The following ULK4 variants were observed in gnomAD, a reference collection of about 807,000 sequenced individuals.
The protein encoded by ULK4 is inactive serine/threonine-protein kinase ULK4.
In ULK4, 133 loss-of-function variants were observed where a neutral mutation model predicts 160.6. That is an observed-to-expected ratio of 0.83 (90% CI 0.72 to 0.96). ULK4 has a LOEUF of 0.96. ULK4 is among the 40% of genes least tolerant of loss of function. ULK4 has a pLI of 0.00. For missense variants in ULK4, 1,580 were observed against 1,499.5 expected (o/e 1.05, Z -0.89); for synonymous variants, 534 against 539.8 (o/e 0.99, Z 0.15).
At chr3:41,916,179 C>T (rs1559648260) in intron 7 of ULK4, 127 bp from the exon 8 acceptor site, 1 of 596,438 alleles carries the variant, frequency 1.7e-6, no homozygotes, top group Admixed American at 3.8e-5. Context: ...TAAGAGAACA[C>T]TAAATCCATT....
At chr3:41,521,703 A>G (rs1242840076) in intron 32 of ULK4, among the ~76,000 whole-genome samples, 1 of 152,178 alleles carries the variant, frequency 6.6e-6, no homozygotes, top group East Asian at 1.9e-4. Context: ...GTTTTTTAGT[A>G]TTTACTTTTA....
At chr3:41,376,292 T>G (rs2081492039) in intron 35 of ULK4, among the ~76,000 whole-genome samples, 1 of 150,308 alleles carries the variant, frequency 6.7e-6, no homozygotes, top group Admixed American at 6.6e-5. Flanking sequence ...CAAAGGATCA[T>G]AAATCATTCC....
chr3:41,303,779 T>C (rs2079844566), intron 35 of ULK4, among the ~76,000 whole-genome samples: 1 of 151,780 alleles, frequency 6.6e-6, no homozygotes, highest in South Asian at 2.1e-4. Context: ...TGCTGGGAGG[T>C]AAGCTGTGCC....
chr3:41,679,825 A>G (rs958321651), intron 29 of ULK4, among the ~76,000 whole-genome samples: 2 of 152,202 alleles, frequency 1.3e-5, no homozygotes, highest in African/African-American at 4.8e-5. Context: ...GTCCTGAAAA[A>G]TGTTCTCTAC....
chr3:41,732,530 A>C (rs2037868515), intron 22 of ULK4, among the ~76,000 whole-genome samples: 1 of 152,152 alleles, frequency 6.6e-6, no homozygotes, highest in African/African-American at 2.4e-5. Flanking sequence ...GGGAAGGTAA[A>C]TTAGTATGGC....
Position 41,455,582 on chromosome 3 carries a change from C to T in ULK4, c.3407G>A (p.Gly1136Asp). 6.2e-7 allele frequency: 1 copy of T among 1,613,840 alleles called. No individual in the cohort carries two copies. The highest frequency in any genetic ancestry group is 8.5e-7 in the Non-Finnish European group (1 of 1,179,894). The change falls in exon 34 of 37, where the codon GGC becomes GAC. Residue 1136 changes from glycine to aspartate, a missense_variant. Coordinates refer to ENST00000301831, the MANE Select transcript of ULK4 (RefSeq NM_017886.4). ...VRLALQAQKS[G>D]SGEDPQAAED... ...TGCAGCCTGAGGGTCCTCTCCTGAG[C>T]CAGACTTCTGGGCCTGGAACAGAGA...
chr3:41,329,506 CATTA>C (rs1406587769), intron 35 of ULK4, among the ~76,000 whole-genome samples: 2 of 152,156 alleles, frequency 1.3e-5, no homozygotes, highest in Non-Finnish European at 2.9e-5. Flanking sequence ...CAACTTTCAC[CATTA>C]ATGGTTTGAC....
chr3:41,445,916 C>A (rs1169583482), intron 34 of ULK4, among the ~76,000 whole-genome samples: 2 of 151,948 alleles, frequency 1.3e-5, no homozygotes, highest in Admixed American at 1.3e-4. Context: ...GCAAAAGAAA[C>A]CACCATCAGA....
intron 29 of ULK4, among the ~76,000 whole-genome samples, chr3:41,669,322 T>G (rs1445800251): frequency 6.6e-6 from 1 of 152,150 alleles, no homozygotes; most frequent in Non-Finnish European, 1.5e-5. Flanking sequence ...CGTAGCTCAC[T>G]GCAGCCTCAA....
chr3:41,289,380 C>CT (rs2079517209), intron 35 of ULK4, among the ~76,000 whole-genome samples: 1 of 152,160 alleles, frequency 6.6e-6, no homozygotes, highest in Non-Finnish European at 1.5e-5. Flanking sequence ...TCTGTCTACT[C>CT]TAAATTCTCC....
chr3:41,407,501 G>C (rs1042541246), intron 34 of ULK4, among the ~76,000 whole-genome samples: 5 of 152,074 alleles, frequency 3.3e-5, no homozygotes, highest in African/African-American at 9.7e-5. Context: ...AACCAAATCA[G>C]CAATATATGA....
intron 27 of ULK4, among the ~76,000 whole-genome samples, chr3:41,701,775 C>G (rs1359296615): frequency 6.6e-6 from 1 of 152,080 alleles, no homozygotes; most frequent in Non-Finnish European, 1.5e-5. Flanking sequence ...ACATATACAT[C>G]ATGAGGGGAC....
chr3:41,462,664 C>T (rs1337198354), intron 33 of ULK4, among the ~76,000 whole-genome samples: 1 of 152,152 alleles, frequency 6.6e-6, no homozygotes, highest in African/African-American at 2.4e-5. Context: ...TATGTGTCTA[C>T]AAACACACAC....
intron 32 of ULK4, among the ~76,000 whole-genome samples, chr3:41,470,070 T>C (rs890211788): frequency 1.8e-5 from 2 of 114,054 alleles, no homozygotes; most frequent in East Asian, 5.1e-4. Flanking sequence ...AAGGAACTAA[T>C]GGCTGAAAAC....
At chr3:41,250,177 G>A (rs2078719301) in intron 35 of ULK4, among the ~76,000 whole-genome samples, 1 of 152,110 alleles carries the variant, frequency 6.6e-6, no homozygotes, top group African/African-American at 2.4e-5. Context: ...AGGCTCAGGT[G>A]GGGATTTATC....
At position 41,305,982 on chromosome 3, in the gene ULK4, G is replaced by A. The variant is rs1192282565; in HGVS notation, c.3679-56408C>T. Among the ~76,000 whole-genome samples the A allele has an allele frequency of 7.1e-5, 10 of 140,328 alleles. No individual in the cohort carries two copies. The East Asian group carries it at 1.6e-3, about 22-fold the overall frequency. 92.1% of individuals were successfully genotyped at this position (140,328 alleles called of 152,430 possible). A position where few individuals can be genotyped will look rare whatever the true frequency, so the allele number is the denominator to read the frequency against. ...TGAGAAGTGAGGAGACCCTCTGCCCGGCAACCGCCCCGTCTGAGAAGTAAG... is the reference window on the plus strand; with the variant it reads ...TGAGAAGTGAGGAGACCCTCTGCCCAGCAACCGCCCCGTCTGAGAAGTAAG... On this transcript the variant is annotated intron_variant, in intron 35 of 36. Coordinates refer to ENST00000301831, the MANE Select transcript of ULK4 (RefSeq NM_017886.4).
intron 30 of ULK4, among the ~76,000 whole-genome samples, chr3:41,656,068 T>C (rs1353195674): frequency 2.6e-5 from 4 of 152,132 alleles, no homozygotes; most frequent in African/African-American, 9.7e-5. Context: ...TTGAAAAACT[T>C]TTCCCCCCAG....
At chr3:41,377,028 T>C (rs1352702433) in intron 35 of ULK4, among the ~76,000 whole-genome samples, 2 of 151,384 alleles carry the variant, frequency 1.3e-5, no homozygotes, top group African/African-American at 2.4e-5. Flanking sequence ...AAAACAGAGA[T>C]ATAGATCAAT....
intron 22 of ULK4, among the ~76,000 whole-genome samples, chr3:41,718,597 A>G (rs1006372664): frequency 2.6e-5 from 4 of 151,428 alleles, no homozygotes; most frequent in African/African-American, 9.7e-5. Context: ...ATTCCCCCCA[A>G]CTCCCTACAG....
Sources: gnomAD v4.1 joint callset for allele counts (sites outside exome capture counted in the v4.1 genomes callset) on GRCh38, gnomAD v4.1.1 for gene constraint, MANE v1.5 for transcripts, NCBI Gene and HGNC (gene_info 2026-07-23, HGNC 2026-07-21) for gene names.